Variants in PDGFD observed in about 807,000 individuals in gnomAD.
PDGFD encodes the protein platelet derived growth factor D.
PDGFD carries 30 observed loss-of-function variants against 44.7 expected under a neutral mutation model. That is an observed-to-expected ratio of 0.67 (90% confidence interval 0.50 to 0.91). The LOEUF (loss-of-function observed/expected upper bound fraction) is 0.91, where lower values mean the gene tolerates loss of function less well. PDGFD is among the 40% of genes least tolerant of loss of function. The pLI, the probability that PDGFD is intolerant of heterozygous loss-of-function variation, is 0.00. For synonymous variants in PDGFD, 173 were observed against 168.4 expected (o/e 1.03, Z -0.21); for missense variants, 445 against 457.8 (o/e 0.97, Z 0.25).
intron 1 of PDGFD, among the ~76,000 whole-genome samples, chr11:104,110,262 T>C (rs1395155033): frequency 2.0e-5 from 3 of 151,984 alleles, no homozygotes; most frequent in Non-Finnish European, 4.4e-5. Flanking sequence ...GCTCTTTCTA[T>C]ACATTATTTG....
intron 1 of PDGFD, among the ~76,000 whole-genome samples, chr11:104,157,565 T>C (rs1862324555): frequency 6.6e-6 from 1 of 152,126 alleles, no homozygotes; most frequent in Non-Finnish European, 1.5e-5. Context: ...CCCTTCTCCC[T>C]CTCACTGCAC....
At chr11:104,122,246 A>AG (rs1861787862) in intron 1 of PDGFD, among the ~76,000 whole-genome samples, 1 of 152,058 alleles carries the variant, frequency 6.6e-6, no homozygotes, top group Admixed American at 6.6e-5. Context: ...TCTAACATGA[A>AG]GGCTCCATTT....
intron 1 of PDGFD, among the ~76,000 whole-genome samples, chr11:104,089,148 T>C (rs1250692964): frequency 6.6e-6 from 1 of 152,168 alleles, no homozygotes; most frequent in Non-Finnish European, 1.5e-5. Flanking sequence ...CATCAGAGAG[T>C]ATTTCATGAG....
rs775601595 is a variant in PDGFD at position 104,163,889 on chromosome 11, T to C, written c.39A>G (p.Ala13=). 3.2e-6 allele frequency: 5 copies of C among 1,574,864 alleles called. No homozygotes were observed. The highest frequency in any genetic ancestry group is 3.4e-5 in the Admixed American group (2 of 58,712). The change falls in exon 1 of 7, where the codon GCA becomes GCG. Residue 13 remains alanine (A), a synonymous_variant. Transcript: ENST00000393158. ...RLIFVYTLIC[A]NFCSCRDTSA... ...AAGTGTCCCGACAGCTGCAAAAGTT[T>C]GCGCAGATTAGAGTGTAGACAAAGA...
intron 6 of PDGFD, among the ~76,000 whole-genome samples, chr11:103,922,981 C>A (rs567630897): frequency 3.3e-5 from 5 of 152,254 alleles, no homozygotes; most frequent in African/African-American, 1.2e-4. Context: ...TCATACTCTG[C>A]CCTATCATAT....
intron 5 of PDGFD, among the ~76,000 whole-genome samples, chr11:103,929,713 T>C (rs188445234): frequency 5.9e-5 from 9 of 152,312 alleles, no homozygotes; most frequent in Admixed American, 2.0e-4. Context: ...AACTGAAAGG[T>C]TGTTCTGACT....
rs1858762656 is a variant in PDGFD at position 103,951,828 on chromosome 11, T to C, written c.511-4104A>G. On this transcript the variant is annotated intron_variant, in intron 3 of 6. Transcript: ENST00000393158. ...TCTACTTAACCTGCTTAATTTTCTT[T>C]AAAGCATTTATGGTTATCTGAAATA... 2.0e-5 allele frequency among the ~76,000 whole-genome samples: 3 copies of C among 152,250 alleles called. 1 individual carries two copies. Among genetic ancestry groups the C allele is most frequent in the Admixed American group, 2.0e-4 (3 of 15,288 alleles).
chr11:103,983,880 T>C (rs1273264957), intron 3 of PDGFD, among the ~76,000 whole-genome samples: 1 of 151,572 alleles, frequency 6.6e-6, no homozygotes, highest in African/African-American at 2.4e-5. Context: ...GTCAGAATGG[T>C]TATTAGTAAA....
At chr11:104,098,445 C>T (rs553940971) in intron 1 of PDGFD, among the ~76,000 whole-genome samples, 1 of 151,728 alleles carries the variant, frequency 6.6e-6, no homozygotes, top group South Asian at 2.1e-4. Context: ...TTTGCTAATC[C>T]AAAGCAGGCT....
chr11:104,115,228 A>C (rs1028154534), intron 1 of PDGFD, among the ~76,000 whole-genome samples: 2 of 151,024 alleles, frequency 1.3e-5, no homozygotes, highest in Non-Finnish European at 3.0e-5. Context: ...CCATTAATTC[A>C]TTCCTTATTA....
At chr11:103,947,380 A>C (rs1367490327) in intron 4 of PDGFD, among the ~76,000 whole-genome samples, 2 of 152,186 alleles carry the variant, frequency 1.3e-5, no homozygotes, top group East Asian at 3.8e-4. Flanking sequence ...ACAGACCTTT[A>C]ATTGGAATGC....
chr11:103,937,822 T>C lies in PDGFD; in HGVS notation c.772+5630A>G, dbSNP rs1306415502. Among the ~76,000 whole-genome samples, 15 of 151,018 alleles carry C rather than the reference T, an allele frequency of 9.9e-5. No homozygotes were observed. In the South Asian group the frequency reaches 1.9e-3, roughly 19 times the overall value. ...TGCGGTGTTTGGTTTTTTGTCCTTG[T>C]GATAGTTTGCTGAGAATGATGGTTT... On this transcript the variant is annotated intron_variant, in intron 5 of 6. Coordinates refer to ENST00000393158, the MANE Select transcript of PDGFD (RefSeq NM_025208.5).
intron 1 of PDGFD, among the ~76,000 whole-genome samples, chr11:104,079,796 T>C (rs371356268): frequency 8.9e-6 from 1 of 112,770 alleles, no homozygotes; most frequent in African/African-American, 5.1e-5. Context: ...TTTGCATAGA[T>C]ATATATATAT....
At chr11:103,985,094 TATATATTAATTTATTTAATATATA>T (rs1299737136) in intron 3 of PDGFD, among the ~76,000 whole-genome samples, 514 of 45,236 alleles carry the variant, frequency 0.011, 39 homozygotes, top group Non-Finnish European at 0.013. Context: ...TTTAATATAT[TATATATTAATTTATTTAATATATA>T]ATATATTAAT....
chr11:104,028,669 T>C (rs1174668009), intron 1 of PDGFD, among the ~76,000 whole-genome samples: 1 of 149,524 alleles, frequency 6.7e-6, no homozygotes, highest in Non-Finnish European at 1.5e-5. Flanking sequence ...ACCACTGGCA[T>C]GAAGGGGCCA....
intron 1 of PDGFD, among the ~76,000 whole-genome samples, chr11:104,110,553 T>C (rs1861539260): frequency 6.6e-6 from 1 of 150,812 alleles, no homozygotes; most frequent in African/African-American, 2.4e-5. Flanking sequence ...TCATACTACA[T>C]ACTACATACT....
chr11:103,975,555 A>C (rs1210638272), intron 3 of PDGFD, among the ~76,000 whole-genome samples: 2 of 152,084 alleles, frequency 1.3e-5, no homozygotes, highest in Non-Finnish European at 2.9e-5. Flanking sequence ...TTTAGTCATG[A>C]AGTCTTTGCC....
chr11:103,927,802 T>C (rs1858342264), intron 5 of PDGFD, among the ~76,000 whole-genome samples: 1 of 152,228 alleles, frequency 6.6e-6, no homozygotes, highest in Admixed American at 6.5e-5. Context: ...ATCATGGCTA[T>C]GTTTCCTTTT....
chr11:104,020,161 C>A (rs567639215), intron 1 of PDGFD, among the ~76,000 whole-genome samples: 22 of 152,112 alleles, frequency 1.4e-4, no homozygotes, highest in African/African-American at 4.8e-4. Context: ...AGAGTAGAAG[C>A]AACATATGTA....
Sources: allele counts gnomAD v4.1 joint callset (sites outside exome capture counted in the v4.1 genomes callset), GRCh38; gene constraint gnomAD v4.1.1; transcripts MANE v1.5; gene names NCBI Gene and HGNC (gene_info 2026-07-23, HGNC 2026-07-21).